The following SPON1 variants were observed in gnomAD, a reference collection of about 807,000 sequenced individuals.
SPON1 encodes spondin 1, also known as spondin-1.
In SPON1, 52 loss-of-function variants were observed where a neutral mutation model predicts 111.7. The ratio of observed to expected loss-of-function variants is 0.47; its 90% CI spans 0.37 to 0.59. The LOEUF (loss-of-function observed/expected upper bound fraction) is 0.59, where lower values mean the gene tolerates loss of function less well. Ranked by LOEUF, SPON1 falls within the 20% of genes least tolerant of loss-of-function variation. SPON1 has a pLI of 0.00. For synonymous variants in SPON1, 410 were observed against 395.8 expected (o/e 1.04, Z -0.43); for missense variants, 957 against 1,068.5 (o/e 0.90, Z 1.46).
intron 6 of SPON1, among the ~76,000 whole-genome samples, chr11:14,218,393 G>A (rs1848647109): frequency 6.6e-6 from 1 of 152,116 alleles, no homozygotes; most frequent in South Asian, 2.1e-4. Context: ...TCCAGCACCT[G>A]GAGTCAGTAT....
At chr11:14,081,680 G>T (rs1848963489) in intron 5 of SPON1, among the ~76,000 whole-genome samples, 1 of 151,976 alleles carries the variant, frequency 6.6e-6, no homozygotes, top group African/African-American at 2.4e-5. Flanking sequence ...AGTTACCGCA[G>T]TTCAGGAAGA....
intron 3 of SPON1, among the ~76,000 whole-genome samples, chr11:14,073,478 C>T (rs1554921119): frequency 6.6e-6 from 1 of 152,138 alleles, no homozygotes; most frequent in African/African-American, 2.4e-5. Flanking sequence ...CTCGTAGGTC[C>T]TCCCATGAGC....
intron 6 of SPON1, among the ~76,000 whole-genome samples, chr11:14,240,552 A>C (rs1182893985): frequency 1.3e-5 from 2 of 151,308 alleles, no homozygotes; most frequent in Non-Finnish European, 2.9e-5. Context: ...TTGTGGAGTT[A>C]TACATTTGAT....
chr11:14,028,383 G>C (rs903053607), intron 2 of SPON1, among the ~76,000 whole-genome samples: 1 of 151,846 alleles, frequency 6.6e-6, no homozygotes, highest in Admixed American at 6.6e-5. Flanking sequence ...CTACTAGATA[G>C]GATTGCTTGA....
intron 7 of SPON1, among the ~76,000 whole-genome samples, chr11:14,247,769 G>A (rs781836295): frequency 6.6e-6 from 1 of 152,234 alleles, no homozygotes; most frequent in Non-Finnish European, 1.5e-5. Context: ...ATGAAGTTCA[G>A]TGGGAAAGAT....
chr11:14,123,803 C>T (rs573442410), intron 5 of SPON1, among the ~76,000 whole-genome samples: 2 of 152,368 alleles, frequency 1.3e-5, no homozygotes, highest in South Asian at 4.1e-4. Flanking sequence ...CACCTTCCTG[C>T]ACCACAAACA....
At chr11:14,073,935 A>G (rs1157191928) in intron 3 of SPON1, among the ~76,000 whole-genome samples, 4 of 152,210 alleles carry the variant, frequency 2.6e-5, no homozygotes, top group African/African-American at 7.2e-5. Context: ...TGGCTGAAGC[A>G]GGAATGTGGG....
intron 5 of SPON1, among the ~76,000 whole-genome samples, chr11:14,129,124 A>G (rs1847497563): frequency 6.6e-6 from 1 of 151,788 alleles, no homozygotes; most frequent in Non-Finnish European, 1.5e-5. Flanking sequence ...GACTATTAAC[A>G]TTTGGCTTTT....
intron 6 of SPON1, among the ~76,000 whole-genome samples, chr11:14,140,416 T>C (rs890906855): frequency 6.6e-6 from 1 of 152,188 alleles, no homozygotes. Flanking sequence ...TTTTTTGAGA[T>C]GGAATTTCAC....
chr11:14,170,397 T>G (rs1476154892), intron 6 of SPON1, among the ~76,000 whole-genome samples: 1 of 152,220 alleles, frequency 6.6e-6, no homozygotes, highest in African/African-American at 2.4e-5. Flanking sequence ...GATTTTGGGC[T>G]GAGAAGGTGG....
At chr11:14,020,838 A>T (rs1468614675) in intron 2 of SPON1, among the ~76,000 whole-genome samples, 6 of 152,192 alleles carry the variant, frequency 3.9e-5, no homozygotes, top group Non-Finnish European at 8.8e-5. Context: ...CTCTCTGTGA[A>T]CATTTCTGGG....
chr11:14,231,581 T>C (rs1235843412), intron 6 of SPON1, among the ~76,000 whole-genome samples: 3 of 152,224 alleles, frequency 2.0e-5, no homozygotes, highest in African/African-American at 4.8e-5. Context: ...TTTTGTAATG[T>C]TCTTATATAT....
chr11:14,213,669 T>C (rs1175006429), intron 6 of SPON1, among the ~76,000 whole-genome samples: 4 of 152,216 alleles, frequency 2.6e-5, no homozygotes, highest in Admixed American at 6.5e-5. Flanking sequence ...TCAAGAGTCC[T>C]TCAGTTGAGC....
intron 6 of SPON1, among the ~76,000 whole-genome samples, chr11:14,142,309 T>A (rs1847665818): frequency 6.6e-6 from 1 of 152,126 alleles, no homozygotes; most frequent in Non-Finnish European, 1.5e-5. Flanking sequence ...AATTTAATGT[T>A]CAAGTTCGTG....
intron 3 of SPON1, among the ~76,000 whole-genome samples, chr11:14,069,111 CCT>C (rs1181256544): frequency 1.3e-5 from 2 of 152,004 alleles, no homozygotes; most frequent in African/African-American, 4.8e-5. Flanking sequence ...TTCTAATCCC[CCT>C]GTCTTTTGTG....
At chr11:13,993,540 C>A (rs1281273556) in intron 2 of SPON1, among the ~76,000 whole-genome samples, 1 of 152,158 alleles carries the variant, frequency 6.6e-6, no homozygotes, top group Non-Finnish European at 1.5e-5. Flanking sequence ...ATCAGCGGTC[C>A]CTTTCCAGGG....
chr11:14,037,377 TCTAA>T (rs1490313723), intron 2 of SPON1, among the ~76,000 whole-genome samples: 8 of 151,840 alleles, frequency 5.3e-5, no homozygotes, highest in Admixed American at 1.3e-4. Flanking sequence ...AAAAAAATAG[TCTAA>T]CAGAGCAATG....
chr11:14,190,987 AGCACTTAC>A (rs1848341859), intron 6 of SPON1, among the ~76,000 whole-genome samples: 15 of 152,216 alleles, frequency 9.9e-5, no homozygotes, highest in African/African-American at 3.4e-4. Context: ...AAAAGAAAAA[AGCACTTAC>A]AATCCCATCA....
chr11:13,963,045 C>T lies in SPON1; in HGVS notation c.141C>T (p.Ile47=), dbSNP rs782788293. ...AGTCAGAGGGCTACTGCAGCCGTAT[C>T]CTGCGCGCCCAGGGCACGCGGCGCG... ...VPKSEGYCSR[I]LRAQGTRREG... Residue 47 remains isoleucine (I), a synonymous_variant, in exon 1 of 16, where the codon ATC becomes ATT. Transcript: ENST00000576479. 1.9e-6 allele frequency: 3 copies of T among 1,582,632 alleles called. No individual in the cohort carries two copies. Among genetic ancestry groups the T allele is most frequent in the Non-Finnish European group, 2.6e-6 (3 of 1,165,772 alleles).
Sources: allele counts gnomAD v4.1 joint callset (sites outside exome capture counted in the v4.1 genomes callset), GRCh38; gene constraint gnomAD v4.1.1; transcripts MANE v1.5; gene names NCBI Gene and HGNC (gene_info 2026-07-23, HGNC 2026-07-21).